Variants in SH3BGRL2 observed in about 807,000 individuals in gnomAD.
SH3BGRL2 encodes SH3 domain binding glutamate rich protein like 2.
In SH3BGRL2, 21 loss-of-function variants were observed where a neutral mutation model predicts 14.8. The observed-to-expected ratio is 1.42, with a 90% CI of 1.01 to 2.05. The LOEUF (loss-of-function observed/expected upper bound fraction) is 2.05. Among genes scored for constraint, SH3BGRL2 ranks in the 30% most tolerant of loss-of-function variants. The pLI is 0.00. For missense variants in SH3BGRL2, 147 were observed against 130.8 expected (o/e 1.12, Z -0.61); for synonymous variants, 50 against 47.8 (o/e 1.05, Z -0.19).
chr6:79,615,740 T>C, the SH3BGRL2 span, among the ~76,000 whole-genome samples: 1 of 148,622 alleles, frequency 6.7e-6, no homozygotes, highest in African/African-American at 2.5e-5. Flanking sequence ...AAATGCCAAA[T>C]AATTTCTAGT....
intron 2 of SH3BGRL2, among the ~76,000 whole-genome samples, chr6:79,695,817 T>G (rs1770319774): frequency 6.6e-6 from 1 of 152,220 alleles, no homozygotes; most frequent in Non-Finnish European, 1.5e-5. Flanking sequence ...TTACATATGA[T>G]AAATGCAAAC....
At chr6:79,646,959 C>A (rs1381669579) in intron 1 of SH3BGRL2, among the ~76,000 whole-genome samples, 3 of 152,112 alleles carry the variant, frequency 2.0e-5, no homozygotes. Context: ...ATTTGGGTTG[C>A]TTCTACTTTT....
At chr6:79,636,508 T>C (rs1768925569) in intron 1 of SH3BGRL2, among the ~76,000 whole-genome samples, 1 of 151,968 alleles carries the variant, frequency 6.6e-6, no homozygotes, top group African/African-American at 2.4e-5. Context: ...GGAGAGGATG[T>C]GGTGGTGATG....
intron 1 of SH3BGRL2, among the ~76,000 whole-genome samples, chr6:79,660,203 T>C (rs1769515134): frequency 6.6e-6 from 1 of 152,220 alleles, no homozygotes; most frequent in Non-Finnish European, 1.5e-5. Context: ...AAAGAGGGCA[T>C]CCTTGTTTTG....
chr6:79,638,844 T>A (rs1053955995), intron 1 of SH3BGRL2, among the ~76,000 whole-genome samples: 8 of 152,178 alleles, frequency 5.3e-5, no homozygotes, highest in Admixed American at 2.0e-4. Context: ...AATATTAATC[T>A]CCTGTTGACA....
the SH3BGRL2 span, among the ~76,000 whole-genome samples, chr6:79,609,328 C>A: frequency 6.6e-6 from 1 of 152,128 alleles, no homozygotes; most frequent in Non-Finnish European, 1.5e-5. Flanking sequence ...GTTTGACTGT[C>A]TATTAGGCAA....
the SH3BGRL2 span, among the ~76,000 whole-genome samples, chr6:79,606,190 A>T: frequency 6.6e-6 from 1 of 152,212 alleles, no homozygotes; most frequent in East Asian, 1.9e-4. Flanking sequence ...GGGAATTGCA[A>T]GGCATCCAGC....
the SH3BGRL2 span, among the ~76,000 whole-genome samples, chr6:79,548,944 T>C: frequency 6.6e-6 from 1 of 152,148 alleles, no homozygotes; most frequent in Non-Finnish European, 1.5e-5. Flanking sequence ...TTGTTCTTAT[T>C]AAGATATAAA....
the SH3BGRL2 span, among the ~76,000 whole-genome samples, chr6:79,552,298 C>CT: frequency 6.6e-6 from 1 of 152,088 alleles, no homozygotes; most frequent in Non-Finnish European, 1.5e-5. Flanking sequence ...TTTAACATTG[C>CT]TTATCTTTAG....
the SH3BGRL2 span, among the ~76,000 whole-genome samples, chr6:79,580,724 T>C: frequency 6.6e-6 from 1 of 151,780 alleles, no homozygotes; most frequent in East Asian, 1.9e-4. Context: ...AACATCACAA[T>C]TAAAAGAACT....
In SH3BGRL2 at chr6:79,699,605, C is replaced by A; in HGVS notation, c.*96C>A. ...TAATGCATCACTGTGACAAAAGCCA[C>A]ACGCATTATCAGTAACTTTGCTTGC... On this transcript the variant is annotated 3_prime_UTR_variant, in exon 4 of 4. Transcript: ENST00000369838. The A allele has an allele frequency of 7.2e-7, 1 of 1,388,446 alleles. No homozygotes were observed. The highest frequency in any genetic ancestry group is 1.6e-5 in the African/African-American group (1 of 64,340). 86.0% of individuals were successfully genotyped at this position (1,388,446 alleles called of 1,614,324 possible). A position where few individuals can be genotyped will look rare whatever the true frequency, so the allele number is the denominator to read the frequency against.
At chr6:79,604,372 G>A in the SH3BGRL2 span, among the ~76,000 whole-genome samples, 10,386 of 152,266 alleles carry the variant, frequency 0.068, 479 homozygotes, top group Non-Finnish European at 0.1. Flanking sequence ...TATGTGAGTT[G>A]TCTCGATTTA....
At chr6:79,552,896 TAGATGGTTCTC>T in the SH3BGRL2 span, 41 of 152,350 alleles carry the variant, frequency 2.7e-4, no homozygotes, top group African/African-American at 8.7e-4. Context: ...CATGTTAAGT[TAGATGGTTCTC>T]ATCATGCTAA....
chr6:79,702,275 C>T lies in SH3BGRL2; in HGVS notation c.*2766C>T, dbSNP rs1259126214. 1 of 152,068 alleles carries T rather than the reference C, an allele frequency of 6.6e-6. No homozygotes were observed. The highest frequency in any genetic ancestry group is 2.4e-5 in the African/African-American group (1 of 41,298). 9.4% of individuals were successfully genotyped at this position (152,068 alleles called of 1,614,324 possible). ...TAATAAACTAAACTTTTTTTTGTCT[C>T]CCGTTATTGAAAAGTACCAAAGCTT... is the stretch of plus-strand genomic sequence containing the variant. On this transcript the variant is annotated 3_prime_UTR_variant, in exon 4 of 4. Transcript: ENST00000369838.
chr6:79,570,699 C>G, the SH3BGRL2 span, among the ~76,000 whole-genome samples: 4 of 152,138 alleles, frequency 2.6e-5, no homozygotes, highest in African/African-American at 9.7e-5. Flanking sequence ...AGGCAATGTT[C>G]CAAGGCTAGA....
At chr6:79,684,578 G>T (rs117928524) in intron 2 of SH3BGRL2, among the ~76,000 whole-genome samples, 2 of 152,264 alleles carry the variant, frequency 1.3e-5, no homozygotes, top group African/African-American at 2.4e-5. Flanking sequence ...AGCCCATTCT[G>T]TTGGGACATG....
At chr6:79,560,695 C>T in the SH3BGRL2 span, among the ~76,000 whole-genome samples, 1 of 152,008 alleles carries the variant, frequency 6.6e-6, no homozygotes, top group South Asian at 2.1e-4. Context: ...GTTCACATGG[C>T]ATATGTGTTA....
At chr6:79,684,750 A>T (rs1770059188) in intron 2 of SH3BGRL2, among the ~76,000 whole-genome samples, 1 of 152,214 alleles carries the variant, frequency 6.6e-6, no homozygotes, top group South Asian at 2.1e-4. Flanking sequence ...TAGAAAACTA[A>T]CTCTGTTAGA....
chr6:79,592,336 T>A, the SH3BGRL2 span, among the ~76,000 whole-genome samples: 1 of 152,168 alleles, frequency 6.6e-6, no homozygotes, highest in Middle Eastern at 3.2e-3. Context: ...AATATAAGGA[T>A]GAACAAGACA....
Sources: gnomAD v4.1 joint callset for allele counts (sites outside exome capture counted in the v4.1 genomes callset) on GRCh38, gnomAD v4.1.1 for gene constraint, MANE v1.5 for transcripts, NCBI Gene and HGNC (gene_info 2026-07-23, HGNC 2026-07-21) for gene names.